The following SGCZ variants were observed in gnomAD, a reference collection of about 807,000 sequenced individuals.
SGCZ encodes the protein sarcoglycan zeta, also known as zeta-sarcoglycan.
In SGCZ, 40 loss-of-function variants were observed where a neutral mutation model predicts 41.3. The observed-to-expected ratio is 0.97, with a 90% confidence interval of 0.75 to 1.26. The LOEUF (loss-of-function observed/expected upper bound fraction) is 1.26. SGCZ is among the 50% of genes most tolerant of loss of function. The pLI, the probability that SGCZ is intolerant of heterozygous loss-of-function variation, is 0.00. For missense variants in SGCZ, 552 were observed against 369.8 expected (o/e 1.49, Z -4.04); for synonymous variants, 206 against 137.5 (o/e 1.50, Z -3.49).
intron 2 of SGCZ, among the ~76,000 whole-genome samples, chr8:14,467,565 G>T (rs1274232929): frequency 6.6e-6 from 1 of 152,046 alleles, no homozygotes. Flanking sequence ...TGTGCTACGA[G>T]GAGCAATCGA....
chr8:14,710,852 C>T (rs564518694), intron 1 of SGCZ, among the ~76,000 whole-genome samples: 1 of 152,212 alleles, frequency 6.6e-6, no homozygotes, highest in South Asian at 2.1e-4. Flanking sequence ...GCGGAATTTT[C>T]ATTAATTCAG....
At chr8:14,120,106 A>G (rs1802653738) in intron 5 of SGCZ, among the ~76,000 whole-genome samples, 1 of 152,104 alleles carries the variant, frequency 6.6e-6, no homozygotes, top group African/African-American at 2.4e-5. Flanking sequence ...ATTCCTAGGG[A>G]TAGATACCAA....
intron 5 of SGCZ, among the ~76,000 whole-genome samples, chr8:14,141,392 G>A (rs1386997170): frequency 1.3e-5 from 2 of 152,088 alleles, no homozygotes; most frequent in Non-Finnish European, 2.9e-5. Flanking sequence ...CCTACAGAAT[G>A]GAAGAAAATT....
At chr8:15,134,039 TAA>T (rs1200816600) in intron 1 of SGCZ, among the ~76,000 whole-genome samples, 1 of 152,162 alleles carries the variant, frequency 6.6e-6, no homozygotes, top group Non-Finnish European at 1.5e-5. Context: ...ATGTGCTGAT[TAA>T]GACACTTAAT....
chr8:14,401,748 A>G (rs1799082936), intron 2 of SGCZ, among the ~76,000 whole-genome samples: 1 of 151,572 alleles, frequency 6.6e-6, no homozygotes, highest in Non-Finnish European at 1.5e-5. Context: ...CAATAAACAT[A>G]CGTGTGCATG....
At chr8:14,924,121 G>T (rs1799672026) in intron 1 of SGCZ, among the ~76,000 whole-genome samples, 1 of 152,194 alleles carries the variant, frequency 6.6e-6, no homozygotes. Context: ...ACAAGTTTTT[G>T]TCTCACGTTT....
At chr8:14,749,516 G>C (rs775061540) in intron 1 of SGCZ, among the ~76,000 whole-genome samples, 1 of 152,120 alleles carries the variant, frequency 6.6e-6, no homozygotes, top group Non-Finnish European at 1.5e-5. Context: ...CAGGATACAA[G>C]TATTTCATTT....
At chr8:14,625,729 C>T (rs1806433729) in intron 1 of SGCZ, among the ~76,000 whole-genome samples, 3 of 152,126 alleles carry the variant, frequency 2.0e-5, no homozygotes, top group Admixed American at 1.3e-4. Context: ...GCACACCTGG[C>T]TAGAAGTGAA....
chr8:14,201,660 G>T (rs1401517587), intron 4 of SGCZ, among the ~76,000 whole-genome samples: 1 of 152,128 alleles, frequency 6.6e-6, no homozygotes, highest in Admixed American at 6.5e-5. Context: ...CTACCAAGGG[G>T]CATAATGTAT....
intron 1 of SGCZ, among the ~76,000 whole-genome samples, chr8:14,779,861 T>G (rs756898300): frequency 3.9e-4 from 60 of 152,234 alleles, no homozygotes; most frequent in Non-Finnish European, 5.6e-4. Flanking sequence ...TAATTGCATT[T>G]AATTAAATTG....
chr8:14,563,244 C>T (rs559647770), intron 1 of SGCZ, among the ~76,000 whole-genome samples: 30 of 152,246 alleles, frequency 2.0e-4, no homozygotes, highest in African/African-American at 7.0e-4. Flanking sequence ...CAGTCTTCAC[C>T]TTTTCTACTC....
intron 2 of SGCZ, among the ~76,000 whole-genome samples, chr8:14,502,674 T>G (rs944241469): frequency 6.6e-6 from 1 of 152,098 alleles, no homozygotes; most frequent in African/African-American, 2.4e-5. Context: ...AAGAAGACAT[T>G]TATGCGGCCA....
At chr8:14,534,242 A>G (rs34001240) in intron 2 of SGCZ, among the ~76,000 whole-genome samples, 33,529 of 151,882 alleles carry the variant, frequency 0.22, 4,660 homozygotes, top group Non-Finnish European at 0.32. Context: ...GCTGGCTGGC[A>G]CAGAGAAGAG....
chr8:14,777,243 TAA>T (rs1800432383), intron 1 of SGCZ, among the ~76,000 whole-genome samples: 1 of 152,136 alleles, frequency 6.6e-6, no homozygotes, highest in Non-Finnish European at 1.5e-5. Flanking sequence ...ATTAGAACAG[TAA>T]AATAAGAAAT....
chr8:14,713,868 A>G (rs1483369995), intron 1 of SGCZ, among the ~76,000 whole-genome samples: 3 of 152,162 alleles, frequency 2.0e-5, no homozygotes, highest in Non-Finnish European at 2.9e-5. Flanking sequence ...ATGATTTACC[A>G]TAAGTTAAGC....
intron 1 of SGCZ, among the ~76,000 whole-genome samples, chr8:14,558,047 C>T (rs570237617): frequency 2.2e-4 from 33 of 152,144 alleles, no homozygotes; most frequent in Non-Finnish European, 1.2e-4. Flanking sequence ...ATTTTAAGTG[C>T]ATAGACTACA....
intron 4 of SGCZ, among the ~76,000 whole-genome samples, chr8:14,208,375 G>A (rs1180528809): frequency 2.0e-5 from 3 of 152,144 alleles, no homozygotes; most frequent in Non-Finnish European, 4.4e-5. Context: ...TAGTAATTTT[G>A]GATTCTGTGT....
At chr8:14,634,771 T>C (rs1585142186) in intron 1 of SGCZ, among the ~76,000 whole-genome samples, 1 of 151,718 alleles carries the variant, frequency 6.6e-6, no homozygotes, top group Non-Finnish European at 1.5e-5. Context: ...AAGAAAGAAA[T>C]ATCAAAGCCT....
chr8:15,235,469 C>T (rs971058552), intron 1 of SGCZ, among the ~76,000 whole-genome samples: 7 of 152,126 alleles, frequency 4.6e-5, no homozygotes, highest in African/African-American at 1.4e-4. Flanking sequence ...TCATTTCTTC[C>T]CAGTCAGTCA....
Sources: gnomAD v4.1 joint callset for allele counts (sites outside exome capture counted in the v4.1 genomes callset) on GRCh38, gnomAD v4.1.1 for gene constraint, MANE v1.5 for transcripts, NCBI Gene and HGNC (gene_info 2026-07-23, HGNC 2026-07-21) for gene names.